The following MARCHF1 variants were observed in gnomAD, a reference collection of about 807,000 sequenced individuals.
MARCHF1 encodes E3 ubiquitin-protein ligase MARCHF1.
In MARCHF1, 40 loss-of-function variants were observed where a neutral mutation model predicts 54.2. The ratio of observed to expected loss-of-function variants is 0.74; its 90% CI spans 0.57 to 0.96. MARCHF1 has a LOEUF of 0.96. MARCHF1 is among the 40% of genes least tolerant of loss of function. The probability of loss-of-function intolerance (pLI) is 0.00; values close to 1 mark genes in which losing one functional copy is unlikely to be tolerated. For missense variants in MARCHF1, 586 were observed against 656.5 expected, an observed-to-expected ratio of 0.89 and a Z score of 1.17; for synonymous variants, 236 against 236.3, an observed-to-expected ratio of 1.00 and a Z score of 0.01.
chr4:164,112,242 C>T (rs1755849796), intron 1 of MARCHF1, among the ~76,000 whole-genome samples: 2 of 152,028 alleles, frequency 1.3e-5, no homozygotes, highest in South Asian at 4.1e-4. Context: ...ATGTACTTCA[C>T]TACCTCTATT....
rs531782502 is a variant in MARCHF1, at chr4:164,014,029, A to G, written c.-247-25320T>C. Among the ~76,000 whole-genome samples the G allele has an allele frequency of 5.3e-5, 8 of 152,056 alleles. No individual in the cohort carries two copies. The South Asian group carries it at 1.7e-3, about 32-fold the overall frequency. On this transcript the variant is annotated intron_variant, in intron 2 of 9. Coordinates refer to ENST00000514618, the MANE Select transcript of MARCHF1 (RefSeq NM_001394959.1). Reference sequence around the variant, plus strand: ...TGGTGAAACCCCATCTCTACTAAAAATACCAAAAAAAAATTAACTGGGCAT... The same window carrying G: ...TGGTGAAACCCCATCTCTACTAAAAGTACCAAAAAAAAATTAACTGGGCAT...
chr4:163,971,451 G>A (rs1752545544), intron 3 of MARCHF1, among the ~76,000 whole-genome samples: 1 of 152,204 alleles, frequency 6.6e-6, no homozygotes, highest in African/African-American at 2.4e-5. Flanking sequence ...CTTAACTGTA[G>A]TGTTTTAGAG....
rs1738198822 is a variant in MARCHF1, at chr4:163,528,110, C to CTT, written c.*636_*637dup. The stretch of plus-strand genomic sequence containing the variant: ...CATTTTCTGAAAATCTTTTGCGTGA[C>CTT]TTAAACAAACGTAATTAATTCCAAA... On this transcript the variant is annotated 3_prime_UTR_variant, in exon 10 of 10. Coordinates refer to ENST00000514618, the MANE Select transcript of MARCHF1 (RefSeq NM_001394959.1). 2 of 152,434 alleles carry CTT rather than the reference C, an allele frequency of 1.3e-5. No individual in the cohort carries two copies. Among genetic ancestry groups the CTT allele is most frequent in the Non-Finnish European group, 2.9e-5 (2 of 67,984 alleles). 9.4% of individuals were successfully genotyped at this position (152,434 alleles called of 1,614,324 possible).
intron 4 of MARCHF1, among the ~76,000 whole-genome samples, chr4:163,780,324 T>C (rs1209451714): frequency 6.6e-6 from 1 of 152,226 alleles, no homozygotes; most frequent in African/African-American, 2.4e-5. Context: ...GAATCACTCT[T>C]TGCCAGGACA....
At chr4:163,943,121 A>T (rs1751949561) in intron 3 of MARCHF1, among the ~76,000 whole-genome samples, 1 of 152,056 alleles carries the variant, frequency 6.6e-6, no homozygotes, top group Non-Finnish European at 1.5e-5. Flanking sequence ...GTTTTCAAAA[A>T]TTTTTTCCCA....
At chr4:163,703,754 T>A (rs1384538608) in intron 4 of MARCHF1, among the ~76,000 whole-genome samples, 1 of 152,104 alleles carries the variant, frequency 6.6e-6, no homozygotes, top group Non-Finnish European at 1.5e-5. Flanking sequence ...TTCCTAAGTT[T>A]TATTGAAAAT....
At chr4:163,899,754 C>G (rs1750896329) in intron 3 of MARCHF1, among the ~76,000 whole-genome samples, 1 of 77,904 alleles carries the variant, frequency 1.3e-5, no homozygotes, top group Non-Finnish European at 2.6e-5. Flanking sequence ...AACTCCCAGT[C>G]TCACCCACTA....
In MARCHF1 at chr4:163,774,593, G is replaced by A. The variant is rs937906054; in HGVS notation, c.112-73730C>T. 8.0e-5 allele frequency among the ~76,000 whole-genome samples: 12 copies of A among 150,448 alleles called. No individual in the cohort carries two copies. In the Admixed American group the frequency reaches 8.0e-4, roughly 10 times the overall value. ...GCTCACTGCAACCTCCATCTTCCGGGTTCAAGCTATTCTGCCTCAGCCTCC... is the reference window on the plus strand; with the variant it reads ...GCTCACTGCAACCTCCATCTTCCGGATTCAAGCTATTCTGCCTCAGCCTCC... On this transcript the variant is annotated intron_variant, in intron 4 of 9. Transcript: ENST00000514618.
At chr4:164,382,888 A>G (rs529077897) in intron 1 of MARCHF1, among the ~76,000 whole-genome samples, 43 of 152,302 alleles carry the variant, frequency 2.8e-4, no homozygotes, top group African/African-American at 9.1e-4. Flanking sequence ...TTTGATCTCA[A>G]AAATGTTTAG....
chr4:164,205,525 G>A (rs1460704996), intron 1 of MARCHF1, among the ~76,000 whole-genome samples: 1 of 151,994 alleles, frequency 6.6e-6, no homozygotes, highest in East Asian at 1.9e-4. Flanking sequence ...GATTGCCTAA[G>A]AAAAAGAAAG....
chr4:163,762,888 G>C (rs2110832278), intron 4 of MARCHF1, among the ~76,000 whole-genome samples: 1 of 152,142 alleles, frequency 6.6e-6, no homozygotes, highest in Middle Eastern at 3.4e-3. Flanking sequence ...TCATTATAAA[G>C]TAATTATGCA....
rs961553673 is a variant in MARCHF1 at position 163,958,701 on chromosome 4, G to A, written c.-39+29800C>T. 2.6e-4 allele frequency among the ~76,000 whole-genome samples: 40 copies of A among 151,502 alleles called. 1 individual carries two copies. Among genetic ancestry groups the A allele is most frequent in the African/African-American group, 8.5e-4 (35 of 41,222 alleles). ...TTTTTTTTATATTGCTTAGTTGGCTGGTCTTTTAAGATCTACTGTAATCTA... is the reference window on the plus strand; with the variant it reads ...TTTTTTTTATATTGCTTAGTTGGCTAGTCTTTTAAGATCTACTGTAATCTA... On this transcript the variant is annotated intron_variant, in intron 3 of 9. Transcript: ENST00000514618.
chr4:163,705,365 A>T (rs1041899528), intron 4 of MARCHF1, among the ~76,000 whole-genome samples: 1 of 151,876 alleles, frequency 6.6e-6, no homozygotes, highest in African/African-American at 2.4e-5. Flanking sequence ...GGAAAAAAGA[A>T]AATTGTGCCT....
At chr4:164,156,204 A>C (rs1278651592) in intron 1 of MARCHF1, among the ~76,000 whole-genome samples, 3 of 152,138 alleles carry the variant, frequency 2.0e-5, no homozygotes, top group African/African-American at 7.2e-5. Flanking sequence ...TTTAACAAGA[A>C]CTCCAAAAAA....
intron 4 of MARCHF1, among the ~76,000 whole-genome samples, chr4:163,706,261 A>G (rs936098887): frequency 1.1e-4 from 17 of 152,070 alleles, no homozygotes; most frequent in African/African-American, 4.1e-4. Context: ...AGGGCAAGAC[A>G]GAAGGCCACA....
intron 5 of MARCHF1, among the ~76,000 whole-genome samples, chr4:163,619,181 A>C (rs1436082563): frequency 6.6e-6 from 1 of 152,202 alleles, no homozygotes; most frequent in Admixed American, 6.5e-5. Flanking sequence ...CATCCTGAAA[A>C]GAATGAAAAG....
At chr4:163,785,426 C>T (rs574359979) in intron 4 of MARCHF1, among the ~76,000 whole-genome samples, 60 of 152,096 alleles carry the variant, frequency 3.9e-4, no homozygotes, top group Admixed American at 9.8e-4. Context: ...TTAGCCTTTC[C>T]TAATATAGAT....
intron 1 of MARCHF1, among the ~76,000 whole-genome samples, chr4:164,228,457 T>C (rs1253215373): frequency 6.6e-6 from 1 of 152,210 alleles, no homozygotes; most frequent in Non-Finnish European, 1.5e-5. Context: ...TTCTTTATAG[T>C]AGTTAATCTG....
chr4:164,287,669 T>A (rs532391027), intron 1 of MARCHF1, among the ~76,000 whole-genome samples: 1 of 152,200 alleles, frequency 6.6e-6, no homozygotes, highest in Non-Finnish European at 1.5e-5. Flanking sequence ...TGTTTCATCA[T>A]TGTGGTAGAA....
Sources: gnomAD v4.1 joint callset for allele counts (sites outside exome capture counted in the v4.1 genomes callset) on GRCh38, gnomAD v4.1.1 for gene constraint, MANE v1.5 for transcripts, NCBI Gene and HGNC (gene_info 2026-07-23, HGNC 2026-07-21) for gene names.